CYP4B1: variants seen among roughly 807,000 people sequenced by gnomAD.
The protein encoded by CYP4B1 is cytochrome P450 4B1.
CYP4B1 carries 45 observed loss-of-function variants against 54.0 expected under a neutral mutation model. That is an observed-to-expected ratio of 0.83 (90% confidence interval 0.66 to 1.07). The LOEUF is 1.07. CYP4B1 is among the 50% of genes least tolerant of loss of function. The pLI, the probability that CYP4B1 is intolerant of heterozygous loss-of-function variation, is 0.00. For missense variants in CYP4B1, 656 were observed against 655.4 expected (o/e 1.00, Z -0.01); for synonymous variants, 248 against 247.5 (o/e 1.00, Z -0.02).
At chr1:46,804,923 C>T (rs1181845317) in intron 1 of CYP4B1, among the ~76,000 whole-genome samples, 4 of 152,166 alleles carry the variant, frequency 2.6e-5, no homozygotes, top group Admixed American at 2.6e-4. Context: ...CCTTACTCTG[C>T]TTTTTTTCTT....
chr1:46,818,313 G>A lies in CYP4B1; in HGVS notation c.1355+100G>A, dbSNP rs1322026881. 3.6e-6 allele frequency: 4 copies of A among 1,119,226 alleles called. No homozygotes were observed. The Admixed American group carries it at 5.7e-5, about 16-fold the overall frequency. The allele number at this position is 1,119,226 out of a possible 1,614,324, so 69.3% of individuals were successfully genotyped here. ...ATTAGAAGGTACTCTGAATAAAGGG[G>A]AATCATGCTGGGTTTGTGGTGGTTC... On this transcript the variant is annotated intron_variant, in intron 11 of 11. Coordinates refer to ENST00000371923, the MANE Select transcript of CYP4B1 (RefSeq NM_001099772.2).
intron 1 of CYP4B1, among the ~76,000 whole-genome samples, chr1:46,808,541 A>G (rs1321971388): frequency 6.6e-6 from 1 of 151,830 alleles, no homozygotes; most frequent in African/African-American, 2.4e-5. Flanking sequence ...GATTCTGGAT[A>G]TTAGCCCTTT....
At position 46,801,148 on chromosome 1, in the gene CYP4B1, G is replaced by T. The variant is rs977501679; in HGVS notation, c.180+1887G>T. The stretch of plus-strand genomic sequence containing the variant: ...AACCAGTAGTGAATGTTGGAGGGTA[G>T]GGAGAGTATCCACAGAGGAGAAAGC... On this transcript the variant is annotated intron_variant, in intron 1 of 11. Transcript: ENST00000371923. Among the ~76,000 whole-genome samples the T allele has an allele frequency of 2.6e-5, 4 of 152,222 alleles. 1 individual carries two copies. Among genetic ancestry groups the T allele is most frequent in the African/African-American group, 9.7e-5 (4 of 41,448 alleles).
rs146025878 is a variant in CYP4B1, at chr1:46,807,648, G to A, written c.181-3160G>A. Among the ~76,000 whole-genome samples the A allele has an allele frequency of 3.5e-4, 54 of 152,354 alleles. No individual in the cohort carries two copies. The East Asian group carries it at 0.01, about 29-fold the overall frequency. On this transcript the variant is annotated intron_variant, in intron 1 of 11. Coordinates refer to ENST00000371923, the MANE Select transcript of CYP4B1 (RefSeq NM_001099772.2). ...GTTCTTTTTGACATCGTGTACTCAAGGGCAGTGAAAACTCTTACAGCCCTG... is the reference window on the plus strand; with the variant it reads ...GTTCTTTTTGACATCGTGTACTCAAAGGCAGTGAAAACTCTTACAGCCCTG...
intron 1 of CYP4B1, among the ~76,000 whole-genome samples, chr1:46,809,894 C>T (rs1304143650): frequency 1.3e-5 from 2 of 152,124 alleles, no homozygotes; most frequent in African/African-American, 4.8e-5. Flanking sequence ...GCTGGTTTTG[C>T]AAAAATATTT....
At chr1:46,813,421 A>G in intron 4 of CYP4B1, 61 bp from the exon 5 acceptor site, 4 of 1,609,594 alleles carry the variant, frequency 2.5e-6, no homozygotes, top group Non-Finnish European at 3.4e-6. Context: ...AGCTTGGGGC[A>G]TCCAGCCCAA....
At chr1:46,804,618 A>G (rs1189103267) in intron 1 of CYP4B1, among the ~76,000 whole-genome samples, 3 of 151,910 alleles carry the variant, frequency 2.0e-5, no homozygotes, top group Non-Finnish European at 2.9e-5. Flanking sequence ...TCTCTCCTGA[A>G]ACAGAGGGAA....
intron 8 of CYP4B1, 126 bp downstream of exon 8, chr1:46,815,390 AC>A: frequency 1.2e-6 from 1 of 831,436 alleles, no homozygotes; most frequent in South Asian, 2.6e-5. Context: ...CCAGTGTCAT[AC>A]CTTTTGTGGT....
At chr1:46,816,557 G>A (rs1408619163) in intron 8 of CYP4B1, among the ~76,000 whole-genome samples, 3 of 131,798 alleles carry the variant, frequency 2.3e-5, no homozygotes, top group African/African-American at 8.3e-5. Context: ...TTGGGCCTGA[G>A]CTTCCCGGTT....
At chr1:46,814,589 A>G (rs1271955682) in intron 7 of CYP4B1, among the ~76,000 whole-genome samples, 1 of 152,160 alleles carries the variant, frequency 6.6e-6, no homozygotes, top group Admixed American at 6.5e-5. Flanking sequence ...TTGGCCTTGT[A>G]GAATCCTAGA....
rs778152218 is a variant in CYP4B1 at position 46,812,513 on chromosome 1, C to T, written c.385C>T (p.Leu129Phe). ...LQWIGRGLLV[L>F]EGPKWLQHRK... ...TTCCCCAGGGAGAGGCCTGCTGGTT[C>T]TTGAGGGGCCCAAGTGGTTGCAGCA... Residue 129 changes from leucine (L) to phenylalanine (F), a missense_variant, in exon 4 of 12, where the codon CTT (leucine) becomes TTT (phenylalanine). Transcript: ENST00000371923. 1.2e-6 allele frequency: 2 copies of T among 1,613,434 alleles called. No individual in the cohort carries two copies. Among genetic ancestry groups the T allele is most frequent in the African/African-American group, 2.7e-5 (2 of 74,928 alleles).
At chr1:46,817,900 C>A in intron 9 of CYP4B1, 65 bp from the exon 10 acceptor site, 1 of 1,453,650 alleles carries the variant, frequency 6.9e-7, no homozygotes, top group Admixed American at 1.7e-5. Flanking sequence ...GGGACTCTGA[C>A]CTTATGTGGA....
At chr1:46,809,175 T>A in intron 1 of CYP4B1, among the ~76,000 whole-genome samples, 1 of 145,556 alleles carries the variant, frequency 6.9e-6, no homozygotes. Flanking sequence ...TGCAAAATCC[T>A]TAAAAAAAAA....
At chr1:46,800,832 T>C (rs769238682) in intron 1 of CYP4B1, among the ~76,000 whole-genome samples, 13 of 152,128 alleles carry the variant, frequency 8.5e-5, no homozygotes, top group Non-Finnish European at 1.6e-4. Flanking sequence ...AAGGAAAGTG[T>C]GGGTCAGAGA....
intron 1 of CYP4B1, among the ~76,000 whole-genome samples, chr1:46,800,298 C>CTTCCTTCCTTCCTTCTTTCT (rs1553130205): frequency 4.5e-5 from 4 of 87,970 alleles, no homozygotes; most frequent in African/African-American, 1.5e-4. Flanking sequence ...TCCTTCCTTC[C>CTTCCTTCCTTCCTTCTTTCT]TTCTTTCCTT....
intron 3 of CYP4B1, 63 bp from the exon 4 acceptor site, chr1:46,812,433 T>C (rs1193642168): frequency 3.9e-6 from 6 of 1,553,088 alleles, no homozygotes; most frequent in Non-Finnish European, 4.4e-6. Context: ...GTGTAGGATG[T>C]GCTTAGCCCC....
chr1:46,811,151 C>G lies in CYP4B1; in HGVS notation c.334C>G (p.Pro112Ala). The part of the protein sequence containing the change: ...AVYSRGDPKA[P>A]DVYDFFLQWI... The stretch of plus-strand genomic sequence containing the variant: ...GTCTCCTCCTGCAGACCCTAAGGCC[C>G]CTGATGTGTATGACTTCTTCCTCCA... Residue 112 changes from proline (P) to alanine (A), a missense_variant, in exon 3 of 12, where the codon CCT (proline) becomes GCT (alanine). By Grantham distance (27) the Pro-to-Ala change is conservative (BLOSUM62 -1). Transcript: ENST00000371923. 6.2e-7 allele frequency: 1 copy of G among 1,614,150 alleles called. No individual in the cohort carries two copies. Among genetic ancestry groups the G allele is most frequent in the Non-Finnish European group, 8.5e-7 (1 of 1,180,024 alleles).
At chr1:46,800,262 C>T (rs997665155) in intron 1 of CYP4B1, among the ~76,000 whole-genome samples, 2,313 of 97,160 alleles carry the variant, frequency 0.024, 253 homozygotes, top group East Asian at 0.051. Context: ...TCCTTCCTTC[C>T]TTCCTTCCTT....
intron 1 of CYP4B1, among the ~76,000 whole-genome samples, chr1:46,804,135 G>T (rs989822598): frequency 6.6e-6 from 1 of 152,188 alleles, no homozygotes; most frequent in Non-Finnish European, 1.5e-5. Context: ...AAGGGAAGAG[G>T]CCAAGGACTG....
Sources: allele counts gnomAD v4.1 joint callset (sites outside exome capture counted in the v4.1 genomes callset), GRCh38; gene constraint gnomAD v4.1.1; transcripts MANE v1.5; gene names NCBI Gene and HGNC (gene_info 2026-07-23, HGNC 2026-07-21).